ZNF713: variants seen among roughly 807,000 people sequenced by gnomAD.
ZNF713 encodes zinc finger protein 713.
ZNF713 carries 21 observed loss-of-function variants against 28.7 expected under a neutral mutation model. The observed-to-expected ratio is 0.73, with a 90% CI of 0.52 to 1.05. ZNF713 has a LOEUF of 1.05. ZNF713 is among the 50% of genes least tolerant of loss of function. The pLI is 0.00. For synonymous variants in ZNF713, 167 were observed against 178.0 expected, an observed-to-expected ratio of 0.94 and a Z score of 0.49; for missense variants, 458 against 532.4, an observed-to-expected ratio of 0.86 and a Z score of 1.37.
chr7:55,890,456 A>G (rs1288497604), intron 1 of ZNF713, among the ~76,000 whole-genome samples: 3 of 151,940 alleles, frequency 2.0e-5, no homozygotes, highest in Non-Finnish European at 4.4e-5. Flanking sequence ...TCTCCAAAAA[A>G]AAAAAAAAAA....
chr7:55,907,909 T>C (rs1785710655), intron 2 of ZNF713, among the ~76,000 whole-genome samples: 1 of 152,184 alleles, frequency 6.6e-6, no homozygotes, highest in African/African-American at 2.4e-5. Context: ...TGAATGGTGC[T>C]GTGATAAACA....
chr7:55,927,896 C>CAAAAAAAAAAAAAAAAAAA (rs71533249), intron 6 of ZNF713, among the ~76,000 whole-genome samples: 1 of 44,940 alleles, frequency 2.2e-5, no homozygotes. Flanking sequence ...GACTCTGTCT[C>CAAAAAAAAAAAAAAAAAAA]AAAAAAAAAA....
intron 2 of ZNF713, among the ~76,000 whole-genome samples, chr7:55,907,046 G>A (rs1383268347): frequency 1.3e-5 from 2 of 152,170 alleles, no homozygotes; most frequent in African/African-American, 4.8e-5. Flanking sequence ...TCTGGAGCAA[G>A]GAAGGCCTCT....
At chr7:55,895,761 C>T (rs1054336361) in intron 1 of ZNF713, among the ~76,000 whole-genome samples, 6 of 152,160 alleles carry the variant, frequency 3.9e-5, no homozygotes, top group Non-Finnish European at 8.8e-5. Context: ...AGCCACTGCG[C>T]CTGGCTTGTG....
chr7:55,939,958 T>C lies in ZNF713; in HGVS notation c.1284T>C (p.Tyr428=). ...KIHTREKLCE[Y]KCEQTVRHSP... ...ATACTCGGGAGAAATTATGTGAATA[T>C]AAATGTGAGCAAACTGTTCGCCACA... Residue 428 remains tyrosine (Y), a synonymous_variant, in exon 7 of 7, where the codon TAT becomes TAC. Coordinates refer to ENST00000429591, the MANE Select transcript of ZNF713 (RefSeq NM_182633.3). The C allele has an allele frequency of 6.2e-7, 1 of 1,610,028 alleles. No individual in the cohort carries two copies. The highest frequency in any genetic ancestry group is 1.3e-5 in the African/African-American group (1 of 74,928).
In ZNF713 at chr7:55,919,490, G is replaced by GTTTTTTTTTT. The variant is rs55656709; in HGVS notation, c.88-3648_88-3639dup. 8.2e-4 allele frequency among the ~76,000 whole-genome samples: 55 copies of GTTTTTTTTTT among 66,758 alleles called. 5 individuals carry two copies. The highest frequency in any genetic ancestry group is 1.4e-3 in the East Asian group (3 of 2,092). The allele number at this position is 66,758 out of a possible 152,430, so 43.8% of individuals were successfully genotyped here. ...GCTGGATAAATTGGTAAACACTCCA[G>GTTTTTTTTTT]TTTTTTTTTTTTTTTTTTTTTTTTT... On this transcript the variant is annotated intron_variant, in intron 4 of 6. Coordinates refer to ENST00000429591, the MANE Select transcript of ZNF713 (RefSeq NM_182633.3).
rs1489158825 is a variant in ZNF713, at chr7:55,906,264, T to C, written c.-571T>C. ...CTTCTTCCTTTTAGGTCAACATACCTGGCCTAAGGAGGCAGGATTGAGTGA... is the reference window on the plus strand; with the variant it reads ...CTTCTTCCTTTTAGGTCAACATACCCGGCCTAAGGAGGCAGGATTGAGTGA... On this transcript the variant is annotated 5_prime_UTR_variant, in exon 2 of 7. Coordinates refer to ENST00000429591, the MANE Select transcript of ZNF713 (RefSeq NM_182633.3). 6.6e-6 allele frequency: 1 copy of C among 152,218 alleles called. No homozygotes were observed. The highest frequency in any genetic ancestry group is 6.5e-5 in the Admixed American group (1 of 15,268). 9.4% of individuals were successfully genotyped at this position (152,218 alleles called of 1,614,324 possible).
chr7:55,898,590 G>C (rs536234582), intron 1 of ZNF713, among the ~76,000 whole-genome samples: 1 of 152,244 alleles, frequency 6.6e-6, no homozygotes, highest in African/African-American at 2.4e-5. Flanking sequence ...ACTCATTATC[G>C]TGAGAACAGC....
At chr7:55,890,450 CAA>C (rs34844925) in intron 1 of ZNF713, among the ~76,000 whole-genome samples, 5,800 of 116,376 alleles carry the variant, frequency 0.05, 128 homozygotes, top group Middle Eastern at 0.077. Flanking sequence ...ACTCTGTCTC[CAA>C]AAAAAAAAAA....
intron 6 of ZNF713, among the ~76,000 whole-genome samples, chr7:55,926,174 G>T (rs1158150668): frequency 6.6e-6 from 1 of 152,154 alleles, no homozygotes; most frequent in Non-Finnish European, 1.5e-5. Context: ...GCCAGGCATG[G>T]TGGCGGATGC....
chr7:55,930,578 A>G (rs529092608), intron 6 of ZNF713, among the ~76,000 whole-genome samples: 12 of 152,310 alleles, frequency 7.9e-5, no homozygotes, highest in Admixed American at 6.5e-4. Flanking sequence ...CTTGGGCAAC[A>G]TGAAGAAACC....
At chr7:55,916,595 G>A (rs930280128) in intron 4 of ZNF713, among the ~76,000 whole-genome samples, 10 of 152,192 alleles carry the variant, frequency 6.6e-5, no homozygotes, top group African/African-American at 2.2e-4. Context: ...ACCATGCCTG[G>A]CATATATATA....
intron 4 of ZNF713, among the ~76,000 whole-genome samples, chr7:55,913,289 C>T (rs2116216943): frequency 1.3e-5 from 2 of 150,106 alleles, no homozygotes; most frequent in South Asian, 4.2e-4. Flanking sequence ...GCAACCTCCG[C>T]CTCCTGGGTT....
At chr7:55,927,919 A>AAAAAAAAAAC (rs2116250996) in intron 6 of ZNF713, among the ~76,000 whole-genome samples, 2 of 149,454 alleles carry the variant, frequency 1.3e-5, no homozygotes, top group African/African-American at 2.5e-5. Context: ...AAAAAAAAAA[A>AAAAAAAAAAC]AGCCACAAGA....
At chr7:55,891,199 A>G (rs942995340) in intron 1 of ZNF713, among the ~76,000 whole-genome samples, 1 of 152,216 alleles carries the variant, frequency 6.6e-6, no homozygotes, top group Non-Finnish European at 1.5e-5. Context: ...ATTCAGTTTC[A>G]ACATTCTAAT....
intron 1 of ZNF713, among the ~76,000 whole-genome samples, chr7:55,898,179 T>G (rs1428102184): frequency 6.6e-6 from 1 of 152,238 alleles, no homozygotes; most frequent in Admixed American, 6.5e-5. Flanking sequence ...GACGTTTGTC[T>G]AGACAAAAAT....
chr7:55,922,462 TG>T (rs141123612), intron 4 of ZNF713, among the ~76,000 whole-genome samples: 6,162 of 149,708 alleles, frequency 0.041, 152 homozygotes, highest in Admixed American at 0.06. Context: ...TGCTTGAACC[TG>T]GGAAGCGGAG....
chr7:55,940,056 G>A lies in ZNF713; in HGVS notation c.*50G>A. On this transcript the variant is annotated 3_prime_UTR_variant, in exon 7 of 7. Transcript: ENST00000429591. ...ATATATAAATGTAGGAGATTTTTTG[G>A]TCAGACCTTTTTATCCCATTCAATA... The A allele has an allele frequency of 6.6e-7, 1 of 1,508,006 alleles. No homozygotes were observed. Among genetic ancestry groups the A allele is most frequent in the Non-Finnish European group, 8.8e-7 (1 of 1,131,632 alleles). The allele number at this position is 1,508,006 out of a possible 1,614,324, so 93.4% of individuals were successfully genotyped here. A position where few individuals can be genotyped will look rare whatever the true frequency, so the allele number is the denominator to read the frequency against.
intron 1 of ZNF713, among the ~76,000 whole-genome samples, chr7:55,903,188 C>A (rs1396012032): frequency 4.0e-5 from 6 of 151,806 alleles, no homozygotes; most frequent in Non-Finnish European, 7.4e-5. Flanking sequence ...CACCAAAATC[C>A]TTTCATTTAC....
Sources: allele counts gnomAD v4.1 joint callset (sites outside exome capture counted in the v4.1 genomes callset), GRCh38; gene constraint gnomAD v4.1.1; transcripts MANE v1.5; gene names NCBI Gene and HGNC (gene_info 2026-07-23, HGNC 2026-07-21).